Variants in NCKAP1 observed in about 807,000 individuals in gnomAD.
NCKAP1 encodes nck-associated protein 1.
NCKAP1 carries 21 observed loss-of-function variants against 151.2 expected under a neutral mutation model. That is an observed-to-expected ratio of 0.14 (90% CI 0.10 to 0.20). NCKAP1 has a LOEUF of 0.20. NCKAP1 is among the 10% of genes least tolerant of loss of function. The pLI is 1.00. For synonymous variants in NCKAP1, 484 were observed against 451.8 expected (o/e 1.07, Z -0.90); for missense variants, 933 against 1,352.1 (o/e 0.69, Z 4.86).
chr2:182,971,987 C>A (rs1408447973), intron 15 of NCKAP1, among the ~76,000 whole-genome samples: 1 of 151,934 alleles, frequency 6.6e-6, no homozygotes, highest in Non-Finnish European at 1.5e-5. Flanking sequence ...GTGAAACATG[C>A]CAGAATATTG....
intron 2 of NCKAP1, among the ~76,000 whole-genome samples, chr2:183,018,952 T>TA (rs1380711770): frequency 1.3e-5 from 2 of 152,204 alleles, no homozygotes; most frequent in African/African-American, 4.8e-5. Flanking sequence ...GCTACTTCAA[T>TA]AAAAAATTAT....
intron 1 of NCKAP1, among the ~76,000 whole-genome samples, chr2:183,034,079 C>G (rs1461046859): frequency 6.6e-6 from 1 of 152,116 alleles, no homozygotes; most frequent in East Asian, 1.9e-4. Context: ...AAATAACACC[C>G]TAAGTGGAAA....
chr2:182,957,630 A>T lies in NCKAP1; in HGVS notation c.1882-34T>A, dbSNP rs112884762. The T allele has an allele frequency of 5.0e-6, 8 of 1,601,692 alleles. No individual in the cohort carries two copies. In the African/African-American group the frequency reaches 5.4e-5, roughly 11 times the overall value. On this transcript the variant is annotated intron_variant, in intron 18 of 30. Transcript: ENST00000361354. ...AGAAAAGAATGAAATCTTACATTAC[A>T]CCAATTACTCTGAAAGCATACTAAC...
At chr2:182,998,372 C>T (rs545716423) in intron 6 of NCKAP1, among the ~76,000 whole-genome samples, 1 of 152,116 alleles carries the variant, frequency 6.6e-6, no homozygotes, top group South Asian at 2.1e-4. Context: ...AAATAAAAGG[C>T]ATCCAAATTG....
chr2:183,035,857 C>T (rs1454880258), intron 1 of NCKAP1, among the ~76,000 whole-genome samples: 1 of 152,132 alleles, frequency 6.6e-6, no homozygotes, highest in African/African-American at 2.4e-5. Flanking sequence ...TCATTTCAAC[C>T]TGGCCTAACT....
intron 6 of NCKAP1, among the ~76,000 whole-genome samples, chr2:182,997,319 C>G (rs1698288987): frequency 6.6e-6 from 1 of 152,014 alleles, no homozygotes; most frequent in Non-Finnish European, 1.5e-5. Context: ...TCTTCTTTTT[C>G]TAGTTCTTGT....
In NCKAP1 at chr2:182,915,683, G is replaced by A. The variant is rs1371954397; in HGVS notation, c.*10019C>T. The stretch of plus-strand genomic sequence containing the variant: ...GATCATCAGACCAGCTTGACTATAG[G>A]AGGCATTTCTGTAAAGGGGTAAGAT... On this transcript the variant is annotated 3_prime_UTR_variant, in exon 31 of 31. Coordinates refer to ENST00000361354, the MANE Select transcript of NCKAP1 (RefSeq NM_013436.5). The A allele has an allele frequency of 1.3e-5, 2 of 152,088 alleles. No homozygotes were observed. 9.4% of individuals were successfully genotyped at this position (152,088 alleles called of 1,614,324 possible).
chr2:182,964,805 A>C lies in NCKAP1; in HGVS notation c.1632T>G (p.Phe544Leu), dbSNP rs768295700. Residue 544 changes from phenylalanine (F) to leucine (L), a missense_variant, in exon 17 of 31, where the codon TTT becomes TTG. Phe to Leu is a conservative substitution (Grantham distance 22). Transcript: ENST00000361354. Reference protein sequence around the residue: ...VETSDLSIFCFYSRAFEKMFQ... With the variant: ...VETSDLSIFCLYSRAFEKMFQ... ...ACATCTTCTCAAAAGCACGACTATA[A>C]AAACTATATAAACAAAAATCAGAAT... 5.2e-5 allele frequency: 83 copies of C among 1,592,164 alleles called. No individual in the cohort carries two copies. Among genetic ancestry groups the C allele is most frequent in the Non-Finnish European group, 7.0e-5 (82 of 1,170,770 alleles).
intron 2 of NCKAP1, among the ~76,000 whole-genome samples, chr2:183,013,365 A>C (rs75848966): frequency 0.054 from 8,258 of 152,120 alleles, 298 homozygotes; most frequent in Non-Finnish European, 0.08. Flanking sequence ...GCACTACCCC[A>C]AACCTATTTC....
chr2:183,002,931 TG>T, intron 4 of NCKAP1, 42 bp downstream of exon 4: 2 of 1,505,744 alleles, frequency 1.3e-6, no homozygotes, highest in Non-Finnish European at 1.8e-6. Context: ...TGAGCTCTTC[TG>T]GAAACAGAAT....
intron 8 of NCKAP1, among the ~76,000 whole-genome samples, chr2:182,990,256 T>C (rs1165169682): frequency 6.6e-6 from 1 of 151,976 alleles, no homozygotes; most frequent in Non-Finnish European, 1.5e-5. Flanking sequence ...CAGGCTGGTC[T>C]CAATCTTCTG....
At chr2:182,934,897 T>C (rs1166717394) in intron 25 of NCKAP1, 65 bp from the exon 26 acceptor site, 5 of 702,290 alleles carry the variant, frequency 7.1e-6, no homozygotes, top group Non-Finnish European at 1.2e-5. Context: ...ATTTACAAAA[T>C]ATTACCAATT....
chr2:183,000,871 T>C (rs780819393), intron 6 of NCKAP1, among the ~76,000 whole-genome samples: 7 of 152,086 alleles, frequency 4.6e-5, no homozygotes, highest in Non-Finnish European at 7.4e-5. Flanking sequence ...GGTGGGTGGA[T>C]TGCCTGAGCT....
At chr2:182,977,088 G>C in intron 14 of NCKAP1, 137 bp from the exon 15 acceptor site, 1 of 498,478 alleles carries the variant, frequency 2.0e-6, no homozygotes, top group South Asian at 4.7e-5. Flanking sequence ...AGGTCTTAAA[G>C]AGATATATGT....
chr2:182,982,967 T>C (rs755533665), intron 11 of NCKAP1, 40 bp from the exon 12 acceptor site: 6 of 1,427,922 alleles, frequency 4.2e-6, no homozygotes, highest in Middle Eastern at 2.1e-4. Flanking sequence ...TATTCAAAGA[T>C]TAAAAACAAA....
rs1575058247 is a variant in NCKAP1 at position 183,001,521 on chromosome 2, T to TTAA, written c.603+431_603+432insTTA. On this transcript the variant is annotated intron_variant, in intron 6 of 30. Coordinates refer to ENST00000361354, the MANE Select transcript of NCKAP1 (RefSeq NM_013436.5). Reference sequence around the variant, plus strand: ...CTGTACTTTTTAATGAAGTAATTCATTTAATTCTCATAAGAACCATATGAA... The same window carrying TTAA: ...CTGTACTTTTTAATGAAGTAATTCATTAATTAATTCTCATAAGAACCATATGAA... Among the ~76,000 whole-genome samples the TTAA allele has an allele frequency of 3.3e-5, 5 of 152,246 alleles. No individual in the cohort carries two copies. The South Asian group carries it at 6.2e-4, about 19-fold the overall frequency.
intron 7 of NCKAP1, among the ~76,000 whole-genome samples, chr2:182,995,130 T>C (rs868188228): frequency 1.3e-5 from 2 of 152,206 alleles, no homozygotes; most frequent in Non-Finnish European, 2.9e-5. Context: ...TAAAAAAATA[T>C]TGTTGCTAAT....
chr2:182,958,219 C>T (rs1426590261), intron 18 of NCKAP1, among the ~76,000 whole-genome samples: 1 of 152,202 alleles, frequency 6.6e-6, no homozygotes, highest in Non-Finnish European at 1.5e-5. Flanking sequence ...ACAATCTCAG[C>T]TCACTGCAAC....
intron 12 of NCKAP1, among the ~76,000 whole-genome samples, 194 bp from the exon 13 acceptor site, chr2:182,981,570 A>G (rs1697939408): frequency 6.6e-6 from 1 of 152,158 alleles, no homozygotes; most frequent in African/African-American, 2.4e-5. Flanking sequence ...AAAAGAAGAA[A>G]GAAAAAAAGT....
Sources: allele counts gnomAD v4.1 joint callset (sites outside exome capture counted in the v4.1 genomes callset), GRCh38; gene constraint gnomAD v4.1.1; transcripts MANE v1.5; gene names NCBI Gene and HGNC (gene_info 2026-07-23, HGNC 2026-07-21).